The following VTI1A variants were observed in gnomAD, a reference collection of about 807,000 sequenced individuals.
VTI1A encodes vesicle transport through interaction with t-SNAREs 1A.
A neutral mutation model predicts 34.9 loss-of-function variants in VTI1A; 22 were observed. The ratio of observed to expected loss-of-function variants is 0.63; its 90% CI spans 0.45 to 0.90. The LOEUF is 0.90. VTI1A is among the 40% of genes least tolerant of loss of function. The probability of loss-of-function intolerance (pLI) is 0.00; values close to 1 mark genes in which losing one functional copy is unlikely to be tolerated. For synonymous variants in VTI1A, 87 were observed against 97.3 expected, an observed-to-expected ratio of 0.89 and a Z score of 0.62; for missense variants, 268 against 275.6, an observed-to-expected ratio of 0.97 and a Z score of 0.20.
At chr10:112,608,089 G>A (rs1452981007) in intron 5 of VTI1A, among the ~76,000 whole-genome samples, 3 of 152,158 alleles carry the variant, frequency 2.0e-5, no homozygotes, top group African/African-American at 7.2e-5. Flanking sequence ...GGTATTGGGG[G>A]CCATCTTGGG....
At chr10:112,592,796 T>G (rs948773111) in intron 5 of VTI1A, among the ~76,000 whole-genome samples, 1 of 152,214 alleles carries the variant, frequency 6.6e-6, no homozygotes, top group Non-Finnish European at 1.5e-5. Context: ...GATGTTACTC[T>G]TAGTTGAATG....
intron 3 of VTI1A, among the ~76,000 whole-genome samples, chr10:112,513,611 C>T (rs1444527141): frequency 6.6e-6 from 1 of 151,898 alleles, no homozygotes; most frequent in Non-Finnish European, 1.5e-5. Flanking sequence ...TTTGTCTTAT[C>T]CCGGATCTTA....
At chr10:112,848,196 G>T in the VTI1A span, among the ~76,000 whole-genome samples, 5 of 152,284 alleles carry the variant, frequency 3.3e-5, no homozygotes, top group Admixed American at 3.3e-4. Flanking sequence ...CTTGTCAGTT[G>T]CTTGTAGTTC....
chr10:112,811,408 G>A (rs1436361132), intron 7 of VTI1A, among the ~76,000 whole-genome samples: 1 of 152,112 alleles, frequency 6.6e-6, no homozygotes, highest in Non-Finnish European at 1.5e-5. Flanking sequence ...ATTAAGGTGA[G>A]TGCAGACCGG....
intron 7 of VTI1A, among the ~76,000 whole-genome samples, chr10:112,755,898 G>C (rs771914231): frequency 2.0e-5 from 3 of 152,142 alleles, no homozygotes; most frequent in Non-Finnish European, 4.4e-5. Context: ...ACCAGGGTCA[G>C]AAACAGACAG....
chr10:112,558,261 A>G (rs1851601024), intron 5 of VTI1A, among the ~76,000 whole-genome samples: 1 of 152,232 alleles, frequency 6.6e-6, no homozygotes, highest in South Asian at 2.1e-4. Context: ...TTTACAGTAG[A>G]AATTATTAAA....
intron 7 of VTI1A, among the ~76,000 whole-genome samples, chr10:112,733,307 A>C (rs75295815): frequency 0.097 from 14,735 of 152,152 alleles, 984 homozygotes; most frequent in East Asian, 0.27. Context: ...TTACAATGTT[A>C]TGCAACCCTC....
intron 5 of VTI1A, among the ~76,000 whole-genome samples, chr10:112,551,108 A>G (rs1851340459): frequency 6.6e-6 from 1 of 151,962 alleles, no homozygotes; most frequent in Admixed American, 6.6e-5. Flanking sequence ...GCCGGGCGTG[A>G]TAGTGGGCGC....
chr10:112,558,353 A>T (rs1477876347), intron 5 of VTI1A, among the ~76,000 whole-genome samples: 1 of 152,204 alleles, frequency 6.6e-6, no homozygotes, highest in African/African-American at 2.4e-5. Flanking sequence ...ATAAATAATC[A>T]TGTAAAAGGG....
At chr10:112,501,572 A>G (rs527411897) in intron 3 of VTI1A, among the ~76,000 whole-genome samples, 1 of 152,322 alleles carries the variant, frequency 6.6e-6, no homozygotes, top group South Asian at 2.1e-4. Flanking sequence ...AGAATGCTAT[A>G]TTAATAGTCA....
chr10:112,514,767 A>G lies in VTI1A; in HGVS notation c.265-12320A>G, dbSNP rs1444403132. Among the ~76,000 whole-genome samples, 6 of 151,976 alleles carry G rather than the reference A, an allele frequency of 3.9e-5. No homozygotes were observed. The South Asian group carries it at 8.3e-4, about 21-fold the overall frequency. ...TGTTTTACTGTCAGATAGCTCTACT[A>G]TTTAACAAAATGTAGCGGTAACTTG... On this transcript the variant is annotated intron_variant, in intron 3 of 7. Transcript: ENST00000393077.
intron 5 of VTI1A, among the ~76,000 whole-genome samples, chr10:112,546,036 G>GTGTGTGTATATACATGTATACGCGTA (rs1851092309): frequency 6.9e-6 from 1 of 144,378 alleles, no homozygotes; most frequent in African/African-American, 2.7e-5. Flanking sequence ...ATACGCGTAT[G>GTGTGTGTATATACATGTATACGCGTA]TGTGTGTATA....
intron 7 of VTI1A, among the ~76,000 whole-genome samples, chr10:112,814,879 C>T (rs566659145): frequency 6.2e-4 from 95 of 152,150 alleles, no homozygotes; most frequent in African/African-American, 2.0e-3. Flanking sequence ...CATGTGTTTC[C>T]TTGGAGTATT....
intron 7 of VTI1A, among the ~76,000 whole-genome samples, chr10:112,810,776 CA>C (rs1434303107): frequency 6.6e-6 from 1 of 152,180 alleles, no homozygotes; most frequent in Non-Finnish European, 1.5e-5. Flanking sequence ...CTGCTGTACA[CA>C]GGAAGCGGAT....
intron 5 of VTI1A, among the ~76,000 whole-genome samples, chr10:112,605,851 A>C (rs113164351): frequency 1.3e-5 from 2 of 152,110 alleles, no homozygotes; most frequent in Non-Finnish European, 2.9e-5. Context: ...TGTGGTGGAG[A>C]GTGCATCTTA....
chr10:112,479,010 T>G (rs995188521), intron 3 of VTI1A, among the ~76,000 whole-genome samples: 1 of 151,848 alleles, frequency 6.6e-6, no homozygotes, highest in Non-Finnish European at 1.5e-5. Context: ...GTACTAAAAA[T>G]ACAAAAATTA....
chr10:112,759,341 G>A (rs1309429057), intron 7 of VTI1A, among the ~76,000 whole-genome samples: 1 of 152,184 alleles, frequency 6.6e-6, no homozygotes. Flanking sequence ...TCACTTATGA[G>A]CTGTAGTTAA....
chr10:112,844,847 T>C, the VTI1A span, among the ~76,000 whole-genome samples: 1 of 152,214 alleles, frequency 6.6e-6, no homozygotes, highest in Non-Finnish European at 1.5e-5. Context: ...TGAGTTGTTG[T>C]TTTTAATGTC....
intron 5 of VTI1A, among the ~76,000 whole-genome samples, chr10:112,653,747 A>C (rs933520125): frequency 6.6e-6 from 1 of 152,224 alleles, no homozygotes; most frequent in African/African-American, 2.4e-5. Context: ...TTTTATACAC[A>C]GCCTGTAAGC....
Sources: gnomAD v4.1 joint callset for allele counts (sites outside exome capture counted in the v4.1 genomes callset) on GRCh38, gnomAD v4.1.1 for gene constraint, MANE v1.5 for transcripts, NCBI Gene and HGNC (gene_info 2026-07-23, HGNC 2026-07-21) for gene names.